Variants in ELAVL1 observed in about 807,000 individuals in gnomAD.
ELAVL1 encodes the protein ELAV-like protein 1.
ELAVL1 carries 1 observed loss-of-function variant against 28.4 expected under a neutral mutation model. The ratio of observed to expected loss-of-function variants is 0.04; its 90% CI spans 0.01 to 0.17. The LOEUF (loss-of-function observed/expected upper bound fraction) is 0.17, where lower values mean the gene tolerates loss of function less well. ELAVL1 is among the 10% of genes least tolerant of loss of function. The pLI is 1.00. For missense variants in ELAVL1, 157 were observed against 447.2 expected (o/e 0.35, Z 5.85); for synonymous variants, 174 against 183.5 (o/e 0.95, Z 0.42).
Position 7,963,545 on chromosome 19 carries a change from C to G in ELAVL1, c.919G>C (p.Gly307Arg). ...AAGATTTTGTCCCCCAGGCGGTAGC[C>G]GTTCAGGCTGGCTATGGCCATCGCG... ...EAAMAIASLN[G>R]YRLGDKILQV... The change falls in exon 6 of 6, where the codon GGC becomes CGC. Residue 307 changes from glycine (G) to arginine (R), a missense_variant. This residue lies in a region of ELAVL1 where 107 missense variants were observed against 310.4 expected (regional missense o/e 0.34). Transcript: ENST00000407627. The surrounding 1 kb of genome is among the most constrained non-coding windows in gnomAD (Gnocchi z 4.5). 6.2e-7 allele frequency: 1 copy of G among 1,614,052 alleles called. No homozygotes were observed. Among genetic ancestry groups the G allele is most frequent in the Non-Finnish European group, 8.5e-7 (1 of 1,179,864 alleles).
rs186263820 is a variant in ELAVL1, at chr19:8,002,197, C to G, written c.-17+3298G>C. On this transcript the variant is annotated intron_variant, in intron 1 of 5. Transcript: ENST00000407627. ...CTGAACACTGCGATGTTCCCACCTC[C>G]GGGCTTGGCTGTATCCTAAAAAGCC... 5.1e-6 allele frequency: 6 copies of G among 1,187,240 alleles called. No homozygotes were observed. In the African/African-American group the frequency reaches 6.3e-5, roughly 12 times the overall value. The allele number at this position is 1,187,240 out of a possible 1,614,324, so 73.5% of individuals were successfully genotyped here. A position where few individuals can be genotyped will look rare whatever the true frequency, so the allele number is the denominator to read the frequency against.
At chr19:7,969,104 T>C (rs1985034272) in intron 4 of ELAVL1, among the ~76,000 whole-genome samples, 3 of 152,204 alleles carry the variant, frequency 2.0e-5, no homozygotes, top group Admixed American at 2.0e-4. Context: ...CCAAGGCTCA[T>C]GCCTGTGGTC....
In ELAVL1 at chr19:8,005,537, G is replaced by GGGA. The variant is rs932302795; in HGVS notation, c.-62_-60dup. The GGGA allele has an allele frequency of 6.8e-6, 1 of 147,780 alleles. No individual in the cohort carries two copies. Among genetic ancestry groups the GGGA allele is most frequent in the African/African-American group, 2.4e-5 (1 of 40,912 alleles). The allele number at this position is 147,780 out of a possible 1,614,324, so 9.2% of individuals were successfully genotyped here. A position where few individuals can be genotyped will look rare whatever the true frequency, so the allele number is the denominator to read the frequency against. ...GGCCCGGGGCTGCTCCGGGGCGGGC[G>GGGA]GGAGGCGGCGGCGGCGCGGCGCTAA... On this transcript the variant is annotated 5_prime_UTR_variant, in exon 1 of 6. Transcript: ENST00000407627.
chr19:7,971,859 A>G (rs958521293), intron 4 of ELAVL1, among the ~76,000 whole-genome samples: 1 of 152,186 alleles, frequency 6.6e-6, no homozygotes, highest in Non-Finnish European at 1.5e-5. Context: ...AGAGAGACTG[A>G]TAAGGCCGCC....
intron 1 of ELAVL1, among the ~76,000 whole-genome samples, chr19:8,003,381 GAA>G (rs71165249): frequency 0.074 from 6,595 of 88,578 alleles, 207 homozygotes; most frequent in Non-Finnish European, 0.086. Context: ...AAAAGAAAAA[GAA>G]AAAAAAAAAA....
chr19:7,991,912 C>T (rs1985761268), intron 1 of ELAVL1, 81 bp from the exon 2 acceptor site: 1 of 966,374 alleles, frequency 1.0e-6, no homozygotes, highest in Non-Finnish European at 1.5e-6. Context: ...TGCATTTGCA[C>T]TTAGAGATTT....
Position 7,963,924 on chromosome 19 carries a change from C to G in ELAVL1, c.657-117G>C. On this transcript the variant is annotated intron_variant, in intron 5 of 5. Coordinates refer to ENST00000407627, the MANE Select transcript of ELAVL1 (RefSeq NM_001419.3). The surrounding 1 kb of genome is among the most constrained non-coding windows in gnomAD (Gnocchi z 4.5). ...GGCCCCATCCCGCTCTGCGCAGCCACGAGGTGCTCACGGTTGAGACACCTG... is the reference window on the plus strand; with the variant it reads ...GGCCCCATCCCGCTCTGCGCAGCCAGGAGGTGCTCACGGTTGAGACACCTG... 1 of 1,188,832 alleles carries G rather than the reference C, an allele frequency of 8.4e-7. No homozygotes were observed. Among genetic ancestry groups the G allele is most frequent in the Non-Finnish European group, 1.2e-6 (1 of 864,926 alleles). 73.6% of individuals were successfully genotyped at this position (1,188,832 alleles called of 1,614,324 possible).
rs10407901 is a variant in ELAVL1, at chr19:7,974,842, C to T, written c.277-964G>A. Among the ~76,000 whole-genome samples, 1,031 of 152,292 alleles carry T rather than the reference C, an allele frequency of 6.8e-3. 10 individuals are homozygous for T. Among genetic ancestry groups the T allele is most frequent in the African/African-American group, 0.022 (930 of 41,562 alleles). On this transcript the variant is annotated intron_variant, in intron 3 of 5. Transcript: ENST00000407627. ...CTCAGGAGTCACTGGGCAGAATCTGCGTGCTGAGAACACACACACAGCATC... is the reference window on the plus strand; with the variant it reads ...CTCAGGAGTCACTGGGCAGAATCTGTGTGCTGAGAACACACACACAGCATC...
chr19:7,973,931 T>C, intron 3 of ELAVL1, 53 bp from the exon 4 acceptor site: 1 of 1,597,688 alleles, frequency 6.3e-7, no homozygotes, highest in Non-Finnish European at 8.6e-7. Context: ...GCCAAAGCAT[T>C]GAGGAGGGTG....
chr19:7,970,891 G>A (rs888399060), intron 4 of ELAVL1, among the ~76,000 whole-genome samples: 4 of 152,134 alleles, frequency 2.6e-5, no homozygotes, highest in African/African-American at 7.2e-5. Flanking sequence ...TAAAAAGCCC[G>A]TCACAGGAAG....
At chr19:7,996,064 T>C (rs1309849530) in intron 1 of ELAVL1, among the ~76,000 whole-genome samples, 1 of 152,022 alleles carries the variant, frequency 6.6e-6, no homozygotes, top group Non-Finnish European at 1.5e-5. Context: ...TTTGTCGAGA[T>C]AGGGTCTCAC....
At chr19:7,993,186 C>A (rs1158032594) in intron 1 of ELAVL1, among the ~76,000 whole-genome samples, 1 of 152,184 alleles carries the variant, frequency 6.6e-6, no homozygotes, top group Non-Finnish European at 1.5e-5. Flanking sequence ...TCTATGGACA[C>A]AAAACAGAAC....
At chr19:7,965,631 A>G (rs1984937629) in intron 5 of ELAVL1, among the ~76,000 whole-genome samples, 2 of 151,832 alleles carry the variant, frequency 1.3e-5, no homozygotes, top group African/African-American at 4.8e-5. Flanking sequence ...ACTTTGTCTT[A>G]GTGGTTGCCC....
rs1394483372 is a variant in ELAVL1, at chr19:7,981,422, A to C, written c.173-236T>G. 6.7e-5 allele frequency among the ~76,000 whole-genome samples: 10 copies of C among 149,930 alleles called. No homozygotes were observed. Among genetic ancestry groups the C allele is most frequent in the Non-Finnish European group, 1.5e-4 (10 of 67,816 alleles). Reference sequence around the variant, plus strand: ...ACCCAGGGTGGAGTCCAGCGCTGTGATCACAGCTCACCGCCACCTCAAATT... The same window carrying C: ...ACCCAGGGTGGAGTCCAGCGCTGTGCTCACAGCTCACCGCCACCTCAAATT... On this transcript the variant is annotated intron_variant, in intron 2 of 5. Transcript: ENST00000407627. This position sits in a 1 kb window ranked among gnomAD's most constrained non-coding sequence, Gnocchi z 4.2.
intron 5 of ELAVL1, among the ~76,000 whole-genome samples, chr19:7,965,741 C>T (rs1984940020): frequency 6.6e-6 from 1 of 152,190 alleles, no homozygotes; most frequent in South Asian, 2.1e-4. Context: ...ATGTCTCCTC[C>T]AACCTTCCCT....
chr19:7,996,728 G>T (rs1025019533), intron 1 of ELAVL1, among the ~76,000 whole-genome samples: 1 of 152,030 alleles, frequency 6.6e-6, no homozygotes, highest in Non-Finnish European at 1.5e-5. Flanking sequence ...CAGGAGAATC[G>T]CTTGAACCTG....
intron 1 of ELAVL1, 132 bp from the exon 2 acceptor site, chr19:7,991,963 C>T (rs1985764749): frequency 2.3e-5 from 17 of 755,210 alleles, no homozygotes; most frequent in African/African-American, 4.0e-5. Context: ...GTTTTTGAGA[C>T]AGAGTCTCAC....
intron 2 of ELAVL1, among the ~76,000 whole-genome samples, chr19:7,988,384 G>T (rs1985660765): frequency 6.6e-6 from 1 of 152,182 alleles, no homozygotes; most frequent in Non-Finnish European, 1.5e-5. Context: ...GTCAGCTTTG[G>T]AAGAAGAGGA....
rs368869624 is a variant in ELAVL1 at position 7,997,776 on chromosome 19, C to CA, written c.-16-5946dup. Among the ~76,000 whole-genome samples the CA allele has an allele frequency of 6.6e-3, 833 of 125,560 alleles. 7 individuals carry two copies. The highest frequency in any genetic ancestry group is 8.2e-3 in the Non-Finnish European group (477 of 58,480). The allele number at this position is 125,560 out of a possible 152,430, so 82.4% of individuals were successfully genotyped here. A position where few individuals can be genotyped will look rare whatever the true frequency, so the allele number is the denominator to read the frequency against. On this transcript the variant is annotated intron_variant, in intron 1 of 5. Coordinates refer to ENST00000407627, the MANE Select transcript of ELAVL1 (RefSeq NM_001419.3). ...GCAGCACAGAGAGATGCCATCATTA[C>CA]AAAAAAAAAAAAAATTAAAAATTAC... is the stretch of plus-strand genomic sequence containing the variant.
Sources: gnomAD v4.1 joint callset for allele counts (sites outside exome capture counted in the v4.1 genomes callset) on GRCh38, gnomAD v4.1.1 for gene constraint, gnomAD v4.1.1 regional missense constraint, Gnocchi (gnomAD v3.1) non-coding constraint, MANE v1.5 for transcripts, NCBI Gene and HGNC (gene_info 2026-07-23, HGNC 2026-07-21) for gene names.